The following PARD3B variants were observed in gnomAD, a reference collection of about 807,000 sequenced individuals.
The protein encoded by PARD3B is partitioning defective 3 homolog B.
Under a neutral mutation model 130.2 loss-of-function variants are expected in PARD3B, and 103 were observed. That is an observed-to-expected ratio of 0.79 (90% CI 0.67 to 0.93). The LOEUF (loss-of-function observed/expected upper bound fraction) is 0.93, where lower values mean the gene tolerates loss of function less well. Among genes scored for constraint, PARD3B ranks in the 40% least tolerant of loss-of-function variants. PARD3B has a pLI of 0.00. For synonymous variants in PARD3B, 583 were observed against 553.2 expected, an observed-to-expected ratio of 1.05 and a Z score of -0.76; for missense variants, 1,609 against 1,499.2, an observed-to-expected ratio of 1.07 and a Z score of -1.21.
intron 22 of PARD3B, among the ~76,000 whole-genome samples, chr2:205,582,275 T>C (rs1455733849): frequency 6.6e-6 from 1 of 152,216 alleles, no homozygotes; most frequent in East Asian, 1.9e-4. Flanking sequence ...TAATAGACTC[T>C]GGATAATTCC....
chr2:205,521,211 G>A (rs1469212352), intron 21 of PARD3B, among the ~76,000 whole-genome samples: 1 of 151,622 alleles, frequency 6.6e-6, no homozygotes, highest in Non-Finnish European at 1.5e-5. Flanking sequence ...CAATTTGATG[G>A]CAAATATCAA....
intron 2 of PARD3B, among the ~76,000 whole-genome samples, chr2:204,901,989 C>G (rs1163985721): frequency 1.3e-5 from 2 of 152,108 alleles, no homozygotes; most frequent in African/African-American, 2.4e-5. Flanking sequence ...ACAATGTCCT[C>G]TCTACTCTTC....
At chr2:205,107,673 C>T (rs900105709) in intron 5 of PARD3B, among the ~76,000 whole-genome samples, 5 of 152,208 alleles carry the variant, frequency 3.3e-5, no homozygotes, top group Non-Finnish European at 7.3e-5. Flanking sequence ...ATGGATAAAA[C>T]ACATTGCTCC....
intron 20 of PARD3B, among the ~76,000 whole-genome samples, chr2:205,496,194 G>A (rs2049918682): frequency 6.6e-6 from 1 of 152,096 alleles, no homozygotes; most frequent in African/African-American, 2.4e-5. Flanking sequence ...TACATCTTCA[G>A]TGCAATATGG....
At chr2:205,023,543 C>A (rs11892749) in intron 3 of PARD3B, among the ~76,000 whole-genome samples, 1 of 127,270 alleles carries the variant, frequency 7.9e-6, no homozygotes, top group Non-Finnish European at 1.6e-5. Flanking sequence ...CCCCACCCCC[C>A]GCCAAATCCC....
chr2:204,766,775 C>T (rs888097171), intron 2 of PARD3B, among the ~76,000 whole-genome samples: 13 of 148,312 alleles, frequency 8.8e-5, no homozygotes, highest in African/African-American at 2.7e-4. Context: ...TTTTCTAAAG[C>T]TTATGAAGTT....
At chr2:205,249,175 A>ATTTTTTTT (rs10707307) in intron 16 of PARD3B, among the ~76,000 whole-genome samples, 1 of 136,772 alleles carries the variant, frequency 7.3e-6, no homozygotes, top group Non-Finnish European at 1.6e-5. Context: ...TGCCCGGCTA[A>ATTTTTTTT]TTTTTTTTTT....
intron 15 of PARD3B, among the ~76,000 whole-genome samples, chr2:205,213,784 A>G (rs569459061): frequency 6.6e-6 from 1 of 152,256 alleles, no homozygotes; most frequent in South Asian, 2.1e-4. Flanking sequence ...GAACGTATTT[A>G]AGGAAGGAAC....
chr2:204,972,365 A>G (rs752846393), intron 3 of PARD3B, among the ~76,000 whole-genome samples: 1 of 152,184 alleles, frequency 6.6e-6, no homozygotes, highest in Non-Finnish European at 1.5e-5. Context: ...TTAAAATTAT[A>G]TAGTGTTACA....
At chr2:205,561,559 A>G (rs564926865) in intron 22 of PARD3B, among the ~76,000 whole-genome samples, 4 of 152,310 alleles carry the variant, frequency 2.6e-5, no homozygotes, top group African/African-American at 9.6e-5. Flanking sequence ...ATGAGCATAT[A>G]TGTACTGCTC....
chr2:204,548,606 T>C (rs2030198642), intron 1 of PARD3B, among the ~76,000 whole-genome samples: 1 of 152,236 alleles, frequency 6.6e-6, no homozygotes, highest in Non-Finnish European at 1.5e-5. Flanking sequence ...TTGTTTGTTT[T>C]TTAATGCTTG....
intron 22 of PARD3B, among the ~76,000 whole-genome samples, chr2:205,602,817 G>T (rs1331699414): frequency 6.6e-6 from 1 of 151,908 alleles, no homozygotes; most frequent in East Asian, 1.9e-4. Context: ...CCAGCTCTTG[G>T]ATTCATTGAT....
At chr2:205,433,458 G>T (rs1325130652) in intron 19 of PARD3B, among the ~76,000 whole-genome samples, 1 of 150,584 alleles carries the variant, frequency 6.6e-6, no homozygotes, top group South Asian at 2.1e-4. Flanking sequence ...CCTGAACCCG[G>T]GCAGTGGAGG....
intron 20 of PARD3B, among the ~76,000 whole-genome samples, chr2:205,476,219 T>A (rs1257897517): frequency 6.6e-6 from 1 of 152,194 alleles, no homozygotes; most frequent in Non-Finnish European, 1.5e-5. Flanking sequence ...CTACACGTTG[T>A]CGGAATGCAT....
rs1359966534 is a variant in PARD3B at position 205,530,528 on chromosome 2, T to C, written c.3181-22796T>C. Among the ~76,000 whole-genome samples the C allele has an allele frequency of 6.6e-6, 1 of 152,212 alleles. No homozygotes were observed. Among genetic ancestry groups the C allele is most frequent in the African/African-American group, 2.4e-5 (1 of 41,454 alleles). On this transcript the variant is annotated intron_variant, in intron 21 of 22. Transcript: ENST00000406610. This position sits in a 1 kb window ranked among gnomAD's most constrained non-coding sequence, Gnocchi z 4.7. ...TCTTCCAGAATACAGCGTGCTCTGG[T>C]TAGTACAATAGCTAAGGGTTCAGAA...
chr2:204,596,177 G>A (rs1292461105), intron 1 of PARD3B, among the ~76,000 whole-genome samples: 1 of 152,136 alleles, frequency 6.6e-6, no homozygotes, highest in Non-Finnish European at 1.5e-5. Flanking sequence ...TAATAACCAT[G>A]ATTTCCTCCT....
At position 204,664,556 on chromosome 2, in the gene PARD3B, A is replaced by T. The variant is rs1192518491; in HGVS notation, c.121-21625A>T. 6.6e-6 allele frequency among the ~76,000 whole-genome samples: 1 copy of T among 152,186 alleles called. No individual in the cohort carries two copies. Among genetic ancestry groups the T allele is most frequent in the East Asian group, 1.9e-4 (1 of 5,200 alleles). ...GATAGTAAGTGACATTGCATTGTAT[A>T]AAAAGGATATTTTTATTTACACACA... On this transcript the variant is annotated intron_variant, in intron 1 of 22. Coordinates refer to ENST00000406610, the MANE Select transcript of PARD3B (RefSeq NM_001302769.2). The surrounding 1 kb of genome is among the most constrained non-coding windows in gnomAD (Gnocchi z 5.2).
chr2:204,951,296 C>T (rs565318746), intron 2 of PARD3B, among the ~76,000 whole-genome samples: 16 of 152,238 alleles, frequency 1.1e-4, no homozygotes, highest in South Asian at 1.0e-3. Flanking sequence ...GATGATATTA[C>T]GCCATGATTT....
chr2:205,528,244 A>T (rs2051423239), intron 21 of PARD3B, among the ~76,000 whole-genome samples: 1 of 152,090 alleles, frequency 6.6e-6, no homozygotes, highest in South Asian at 2.1e-4. Context: ...AGGAAGTAAA[A>T]CTTAACCACA....
Sources: allele counts gnomAD v4.1 joint callset (sites outside exome capture counted in the v4.1 genomes callset), GRCh38; gene constraint gnomAD v4.1.1; non-coding constraint Gnocchi (gnomAD v3.1); transcripts MANE v1.5; gene names NCBI Gene and HGNC (gene_info 2026-07-23, HGNC 2026-07-21).